The following PTPRN2 variants were observed in gnomAD, a reference collection of about 807,000 sequenced individuals.
The protein encoded by PTPRN2 is protein tyrosine phosphatase receptor type N2.
Under a neutral mutation model 118.8 loss-of-function variants are expected in PTPRN2, and 74 were observed. The ratio of observed to expected loss-of-function variants is 0.62; its 90% CI spans 0.52 to 0.76. The LOEUF (loss-of-function observed/expected upper bound fraction) is 0.76, where lower values mean the gene tolerates loss of function less well. Among genes scored for constraint, PTPRN2 ranks in the 30% least tolerant of loss-of-function variants. PTPRN2 has a pLI of 0.00. For synonymous variants in PTPRN2, 641 were observed against 608.0 expected (o/e 1.05, Z -0.80); for missense variants, 1,481 against 1,394.4 (o/e 1.06, Z -0.99).
chr7:158,254,574 G>A (rs565041589), intron 3 of PTPRN2, among the ~76,000 whole-genome samples: 1 of 9,868 alleles, frequency 1.0e-4, no homozygotes, highest in Admixed American at 1.1e-3. Flanking sequence ...CCCACGGCAC[G>A]ACCTGCCCTC....
chr7:158,171,151 C>T (rs200057864), intron 5 of PTPRN2, among the ~76,000 whole-genome samples: 1 of 62,844 alleles, frequency 1.6e-5, no homozygotes, highest in Non-Finnish European at 3.5e-5. Context: ...CATATATATA[C>T]ACATATATAT....
At chr7:157,633,551 C>G (rs114947944) in intron 14 of PTPRN2, among the ~76,000 whole-genome samples, 1 of 152,312 alleles carries the variant, frequency 6.6e-6, no homozygotes, top group East Asian at 1.9e-4. Context: ...ACAAGAGTCA[C>G]GACGCAGAGC....
chr7:157,548,063 G>A (rs1198809837), intron 22 of PTPRN2, among the ~76,000 whole-genome samples: 1 of 152,160 alleles, frequency 6.6e-6, no homozygotes, highest in Non-Finnish European at 1.5e-5. Context: ...GAAACTTGGT[G>A]GAGGGTTGGT....
At chr7:158,142,391 G>C (rs941439041) in intron 6 of PTPRN2, among the ~76,000 whole-genome samples, 1 of 152,220 alleles carries the variant, frequency 6.6e-6, no homozygotes, top group African/African-American at 2.4e-5. Flanking sequence ...GCGCATCCCT[G>C]TATCGACCCA....
chr7:157,736,411 G>A lies in PTPRN2; in HGVS notation c.1789-53474C>T, dbSNP rs116909402. On this transcript the variant is annotated intron_variant, in intron 12 of 22. Coordinates refer to ENST00000389418, the MANE Select transcript of PTPRN2 (RefSeq NM_002847.5). ...TCAATGAGGCCAAAAGGGCGGCCCC[G>A]ATCCTACAGGACTGGTGTCCTTACA... is the stretch of plus-strand genomic sequence containing the variant. Among the ~76,000 whole-genome samples, 206 of 152,286 alleles carry A rather than the reference G, an allele frequency of 1.4e-3. 2 individuals carry two copies. The highest frequency in any genetic ancestry group is 4.8e-3 in the South Asian group (23 of 4,828).
intron 11 of PTPRN2, among the ~76,000 whole-genome samples, chr7:157,927,300 GACCTCAT>G (rs1799064445): frequency 1.7e-5 from 1 of 58,040 alleles, no homozygotes. Context: ...TGAGAGCAGA[GACCTCAT>G]GTCTTCTGGG....
chr7:158,147,603 A>T (rs1820267202), intron 6 of PTPRN2, among the ~76,000 whole-genome samples: 1 of 116,474 alleles, frequency 8.6e-6, no homozygotes. Context: ...CCCCTCAATG[A>T]CACCCCATCT....
At chr7:157,875,045 GCA>G (rs1436793296) in intron 12 of PTPRN2, among the ~76,000 whole-genome samples, 1 of 150,636 alleles carries the variant, frequency 6.6e-6, no homozygotes, top group South Asian at 2.1e-4. Context: ...ACACACACGC[GCA>G]CACACAGACA....
chr7:157,576,710 G>C lies in PTPRN2; in HGVS notation c.2686C>G (p.Gln896Glu), dbSNP rs374046398. ...LVRSFYLKNL[Q>E]TNETRTVTQF... is the part of the protein sequence containing the mutation. ...GTCACGGTGCGCGTCTCGTTGGTCTGCAGGTTCTTCAGATAGAAGCTCCTC... is the reference window on the plus strand; with the variant it reads ...GTCACGGTGCGCGTCTCGTTGGTCTCCAGGTTCTTCAGATAGAAGCTCCTC... The change falls in exon 19 of 23, where the codon CAG becomes GAG. Residue 896 changes from glutamine (Q) to glutamate (E), a missense_variant. Around this residue, in one of 3 missense-constraint regions of PTPRN2, gnomAD observed 362 missense variants for 384.1 expected, o/e 0.94. Transcript: ENST00000389418. 58 of 1,610,250 alleles carry C rather than the reference G, an allele frequency of 3.6e-5. No individual in the cohort carries two copies. The South Asian group carries it at 4.5e-4, about 13-fold the overall frequency.
At position 157,956,396 on chromosome 7, in the gene PTPRN2, A is replaced by G. The variant is rs1801189798; in HGVS notation, c.1724-57659T>C. Among the ~76,000 whole-genome samples the G allele has an allele frequency of 2.0e-5, 3 of 152,216 alleles. No homozygotes were observed. In the South Asian group the frequency reaches 6.2e-4, roughly 31 times the overall value. ...GGGTTTTACCTAAGTTAGACTAAAC[A>G]AGGCTGCGAGCCAGTCCCAGTCTGT... On this transcript the variant is annotated intron_variant, in intron 11 of 22. Coordinates refer to ENST00000389418, the MANE Select transcript of PTPRN2 (RefSeq NM_002847.5).
At chr7:157,777,710 C>T (rs536666338) in intron 12 of PTPRN2, among the ~76,000 whole-genome samples, 3 of 152,196 alleles carry the variant, frequency 2.0e-5, no homozygotes, top group African/African-American at 4.8e-5. Flanking sequence ...CATAATTCAG[C>T]GAACTTCACA....
intron 11 of PTPRN2, among the ~76,000 whole-genome samples, chr7:157,988,319 C>T (rs1365208982): frequency 6.6e-6 from 1 of 150,938 alleles, no homozygotes; most frequent in Non-Finnish European, 1.5e-5. Flanking sequence ...TCTCATTTCC[C>T]CCTAAATTGC....
At chr7:158,253,847 C>T (rs918452680) in intron 3 of PTPRN2, among the ~76,000 whole-genome samples, 10 of 152,084 alleles carry the variant, frequency 6.6e-5, no homozygotes, top group Non-Finnish European at 1.5e-4. Context: ...CCATATTTAT[C>T]GAGCAGAGGA....
intron 12 of PTPRN2, among the ~76,000 whole-genome samples, chr7:157,755,566 C>T (rs1801732079): frequency 6.6e-6 from 1 of 152,142 alleles, no homozygotes; most frequent in African/African-American, 2.4e-5. Context: ...GAAATCATGT[C>T]TTTTGCAGCA....
At chr7:157,907,709 T>TGG (rs1387903496) in intron 11 of PTPRN2, among the ~76,000 whole-genome samples, 1 of 136,108 alleles carries the variant, frequency 7.3e-6, no homozygotes, top group African/African-American at 2.8e-5. Context: ...TGGGGTGTCC[T>TGG]GGGTGGCAGT....
chr7:157,718,593 GT>G (rs1799053133), intron 12 of PTPRN2, among the ~76,000 whole-genome samples: 1 of 151,462 alleles, frequency 6.6e-6, no homozygotes, highest in South Asian at 2.1e-4. Flanking sequence ...GTCTCAGCAT[GT>G]CCAGGCATCT....
chr7:158,265,266 G>A (rs554032786), intron 3 of PTPRN2, among the ~76,000 whole-genome samples: 1 of 152,240 alleles, frequency 6.6e-6, no homozygotes, highest in East Asian at 1.9e-4. Flanking sequence ...GTGGCTCAGA[G>A]TGGTCCCCAG....
intron 2 of PTPRN2, among the ~76,000 whole-genome samples, chr7:158,402,579 G>A (rs1290342138): frequency 6.6e-6 from 1 of 152,196 alleles, no homozygotes; most frequent in Non-Finnish European, 1.5e-5. Context: ...ATATTTGGCA[G>A]ATAAATTAAA....
chr7:158,020,501 A>AGG (rs1806792436), intron 11 of PTPRN2, among the ~76,000 whole-genome samples: 1 of 152,180 alleles, frequency 6.6e-6, no homozygotes, highest in Admixed American at 6.5e-5. Context: ...TTTGGCCTGC[A>AGG]TCCTACGTCC....
Sources: allele counts gnomAD v4.1 joint callset (sites outside exome capture counted in the v4.1 genomes callset), GRCh38; gene constraint gnomAD v4.1.1; regional missense constraint gnomAD v4.1.1; transcripts MANE v1.5; gene names NCBI Gene and HGNC (gene_info 2026-07-23, HGNC 2026-07-21).